VDAC1: variants seen among roughly 807,000 people sequenced by gnomAD.
VDAC1 encodes non-selective voltage-gated ion channel VDAC1.
VDAC1 carries 10 observed loss-of-function variants against 34.7 expected under a neutral mutation model. The observed-to-expected ratio is 0.29, with a 90% CI of 0.18 to 0.49. The LOEUF is 0.49. Among genes scored for constraint, VDAC1 ranks in the 20% least tolerant of loss-of-function variants. VDAC1 has a pLI of 0.99. For synonymous variants in VDAC1, 130 were observed against 136.0 expected, an observed-to-expected ratio of 0.96 and a Z score of 0.30; for missense variants, 230 against 347.9, an observed-to-expected ratio of 0.66 and a Z score of 2.69.
At chr5:134,001,715 T>A (rs1014264502) in intron 1 of VDAC1, among the ~76,000 whole-genome samples, 27 of 110,442 alleles carry the variant, frequency 2.4e-4, no homozygotes, top group African/African-American at 3.6e-4. Flanking sequence ...AGACTCCATC[T>A]AAAAAAAAAA....
chr5:134,084,417 A>AG, the VDAC1 span, among the ~76,000 whole-genome samples: 4 of 152,344 alleles, frequency 2.6e-5, no homozygotes, highest in Admixed American at 2.6e-4. Context: ...TCAGAGGGCC[A>AG]GACACTCCAA....
the VDAC1 span, among the ~76,000 whole-genome samples, chr5:134,083,610 T>C: frequency 6.6e-6 from 1 of 152,250 alleles, no homozygotes; most frequent in Non-Finnish European, 1.5e-5. Context: ...AGCTCTGGAA[T>C]GTCCAGGCTC....
chr5:134,025,869 G>A, the VDAC1 span, among the ~76,000 whole-genome samples: 4 of 152,240 alleles, frequency 2.6e-5, no homozygotes, highest in South Asian at 8.3e-4. Flanking sequence ...TGGAGGTGAT[G>A]TTTCTAGCTG....
At chr5:134,108,134 G>C in the VDAC1 span, among the ~76,000 whole-genome samples, 1 of 152,114 alleles carries the variant, frequency 6.6e-6, no homozygotes, top group Non-Finnish European at 1.5e-5. Flanking sequence ...AGGCTTCCTG[G>C]ATTAGGAAGA....
chr5:134,084,272 T>C, the VDAC1 span, among the ~76,000 whole-genome samples: 1 of 152,186 alleles, frequency 6.6e-6, no homozygotes, highest in Non-Finnish European at 1.5e-5. Flanking sequence ...AGGAAGAGTC[T>C]ACTGGAGTAT....
chr5:134,046,734 A>G, the VDAC1 span, among the ~76,000 whole-genome samples: 1 of 152,134 alleles, frequency 6.6e-6, no homozygotes, highest in Non-Finnish European at 1.5e-5. Context: ...CTACCCCACA[A>G]CACACATTTA....
chr5:134,008,245 G>A (rs553136040), upstream of VDAC1, among the ~76,000 whole-genome samples: 1 of 151,414 alleles, frequency 6.6e-6, no homozygotes, highest in East Asian at 2.0e-4. Flanking sequence ...AATGAAGTAA[G>A]CCCATAAGAG....
chr5:134,056,491 G>C, the VDAC1 span, among the ~76,000 whole-genome samples: 1 of 144,896 alleles, frequency 6.9e-6, no homozygotes, highest in Non-Finnish European at 1.5e-5. Context: ...CCAGGTTGGA[G>C]TACAGTGGTG....
chr5:133,975,739 G>A (rs533692569), intron 7 of VDAC1, 132 bp downstream of exon 7: 130 of 1,402,316 alleles, frequency 9.3e-5, no homozygotes, highest in African/African-American at 9.0e-4. Context: ...GATTACAGGC[G>A]TGAGTCACGG....
At chr5:134,075,893 C>T in the VDAC1 span, among the ~76,000 whole-genome samples, 1 of 151,940 alleles carries the variant, frequency 6.6e-6, no homozygotes, top group Non-Finnish European at 1.5e-5. Context: ...CCCTTGCTAC[C>T]ATTTTCATAC....
At chr5:134,091,742 G>T in the VDAC1 span, among the ~76,000 whole-genome samples, 3 of 152,248 alleles carry the variant, frequency 2.0e-5, no homozygotes, top group African/African-American at 7.2e-5. Flanking sequence ...CACTGACCAC[G>T]TGGGTCCTGA....
At chr5:134,069,710 T>C in the VDAC1 span, among the ~76,000 whole-genome samples, 2 of 152,158 alleles carry the variant, frequency 1.3e-5, no homozygotes, top group Non-Finnish European at 2.9e-5. Context: ...TGCATGCTGA[T>C]GGATGTGTCA....
intron 5 of VDAC1, among the ~76,000 whole-genome samples, chr5:133,985,710 G>T (rs1752884997): frequency 6.6e-6 from 1 of 152,184 alleles, no homozygotes; most frequent in African/African-American, 2.4e-5. Context: ...AGAAGTCTGG[G>T]TTTCAGCCAA....
the VDAC1 span, among the ~76,000 whole-genome samples, chr5:134,038,332 G>A: frequency 3.3e-5 from 5 of 152,194 alleles, no homozygotes; most frequent in East Asian, 9.7e-4. Context: ...AGCAGGTTCA[G>A]AGGCCCCTGG....
At chr5:133,997,490 GACTTCC>G (rs1753360530) in intron 1 of VDAC1, among the ~76,000 whole-genome samples, 1 of 150,544 alleles carries the variant, frequency 6.6e-6, no homozygotes, top group African/African-American at 2.4e-5. Flanking sequence ...TTCAGGCCAG[GACTTCC>G]AGATCAACCT....
chr5:134,018,357 C>T, the VDAC1 span, among the ~76,000 whole-genome samples: 17 of 152,160 alleles, frequency 1.1e-4, no homozygotes, highest in Admixed American at 3.9e-4. Context: ...AAGCCATTCA[C>T]GAGGGATCTG....
intron 5 of VDAC1, 64 bp from the exon 6 acceptor site, chr5:133,981,020 T>C (rs1371921369): frequency 9.1e-6 from 13 of 1,426,932 alleles, no homozygotes; most frequent in Admixed American, 2.0e-5. Flanking sequence ...AGTTGTCTTT[T>C]TTTTTTTTTT....
upstream of VDAC1, among the ~76,000 whole-genome samples, chr5:134,006,940 G>A (rs62379240): frequency 4.0e-3 from 610 of 151,736 alleles, 2 homozygotes; most frequent in Non-Finnish European, 6.7e-3. Flanking sequence ...TTTAAAATGG[G>A]ACACATAAAG....
chr5:134,031,082 T>C, the VDAC1 span, among the ~76,000 whole-genome samples: 2 of 152,180 alleles, frequency 1.3e-5, 1 homozygote, highest in South Asian at 4.1e-4. Context: ...CTCACACTTT[T>C]GCCCTCAGGT....
Sources: allele counts gnomAD v4.1 joint callset (sites outside exome capture counted in the v4.1 genomes callset), GRCh38; gene constraint gnomAD v4.1.1; transcripts MANE v1.5; gene names NCBI Gene and HGNC (gene_info 2026-07-23, HGNC 2026-07-21).